Variants in NUDT22 observed in about 807,000 individuals in gnomAD.
NUDT22 encodes uridine diphosphate glucose pyrophosphatase NUDT22.
In NUDT22, 23 loss-of-function variants were observed where a neutral mutation model predicts 28.8. The ratio of observed to expected loss-of-function variants is 0.80; its 90% CI spans 0.58 to 1.13. The LOEUF (loss-of-function observed/expected upper bound fraction) is 1.13, where lower values mean the gene tolerates loss of function less well. Among genes scored for constraint, NUDT22 ranks in the 50% most tolerant of loss-of-function variants. The pLI is 0.00. For synonymous variants in NUDT22, 175 were observed against 173.7 expected, an observed-to-expected ratio of 1.01 and a Z score of -0.06; for missense variants, 358 against 387.3, an observed-to-expected ratio of 0.92 and a Z score of 0.64.
At position 64,228,182 on chromosome 11, in the gene NUDT22, CT is replaced by C. The variant is rs1207902951; in HGVS notation, c.579+530del. On this transcript the variant is annotated intron_variant, in intron 3 of 5. Transcript: ENST00000279206. Reference sequence around the variant, plus strand: ...CACTGCACCAGGCCGGATTCTTCTTCTTTTTTTTTTTTTTCTTTTTGAGACA... The same window carrying C: ...CACTGCACCAGGCCGGATTCTTCTTCTTTTTTTTTTTTTCTTTTTGAGACA... Among the ~76,000 whole-genome samples the C allele has an allele frequency of 8.3e-3, 568 of 68,794 alleles. 2 individuals are homozygous for C. The highest frequency in any genetic ancestry group is 0.025 in the East Asian group (60 of 2,378). 45.1% of individuals were successfully genotyped at this position (68,794 alleles called of 152,430 possible). A position where few individuals can be genotyped will look rare whatever the true frequency, so the allele number is the denominator to read the frequency against.
chr11:64,226,931 C>A lies in NUDT22; in HGVS notation c.279C>A (p.Thr93=). 6.2e-7 allele frequency: 1 copy of A among 1,602,316 alleles called. No individual in the cohort carries two copies. Among genetic ancestry groups the A allele is most frequent in the Non-Finnish European group, 8.5e-7 (1 of 1,179,924 alleles). The change falls in exon 2 of 6, where the codon ACC becomes ACA. Residue 93 remains threonine (T), a synonymous_variant. Coordinates refer to ENST00000279206, the MANE Select transcript of NUDT22 (RefSeq NM_032344.4). ...CTTCCTACCGAGACTTCCTGGGCAC[C>A]AACTGGTCCAGCTCAGCTGCCTGGC... ...GLTSYRDFLG[T]NWSSSAAWLR...
Position 64,227,151 on chromosome 11 carries a change from C to A in NUDT22, c.480+19C>A, listed in dbSNP as rs368859751. The A allele has an allele frequency of 8.3e-6, 13 of 1,571,920 alleles. No individual in the cohort carries two copies. The highest frequency in any genetic ancestry group is 9.4e-6 in the Non-Finnish European group (11 of 1,164,920). Reference sequence around the variant, plus strand: ...GCCTCAGGTGAGATTCCAGGCTGGGCACAAAGACCCAGACAGCTCAAGGGA... The same window carrying A: ...GCCTCAGGTGAGATTCCAGGCTGGGAACAAAGACCCAGACAGCTCAAGGGA... On this transcript the variant is annotated intron_variant, in intron 2 of 5. Transcript: ENST00000279206.
intron 2 of NUDT22, 138 bp downstream of exon 2, chr11:64,227,270 G>A: frequency 9.0e-7 from 1 of 1,111,094 alleles, no homozygotes; most frequent in Non-Finnish European, 1.3e-6. Context: ...AGTTTGCTCA[G>A]GGCAGTCCAC....
At chr11:64,228,196 T>C (rs188116780) in intron 3 of NUDT22, among the ~76,000 whole-genome samples, 2,840 of 150,160 alleles carry the variant, frequency 0.019, 39 homozygotes, top group Non-Finnish European at 0.03. Context: ...TTTTTTTTTT[T>C]CTTTTTGAGA....
Position 64,229,853 on chromosome 11 carries a change from G to A in NUDT22, c.775G>A (p.Val259Met). Residue 259 changes from valine (V) to methionine (M), a missense_variant, in exon 6 of 6, where the codon GTG becomes ATG. By Grantham distance (21) the Val-to-Met change is conservative. Coordinates refer to ENST00000279206, the MANE Select transcript of NUDT22 (RefSeq NM_032344.4). ...TGIFFVETQN[V>M]QRLLETEMWA... ...GGGTCTCGTTGTCTCCCCACAGAAC[G>A]TGCAGAGATTGCTCGAGACGGAGAT... 1 of 1,613,338 alleles carries A rather than the reference G, an allele frequency of 6.2e-7. No individual in the cohort carries two copies. The highest frequency in any genetic ancestry group is 8.5e-7 in the Non-Finnish European group (1 of 1,179,988).
chr11:64,229,766 T>G, intron 5 of NUDT22, 84 bp from the exon 6 acceptor site: 1 of 1,562,334 alleles, frequency 6.4e-7, no homozygotes. Flanking sequence ...AGTGCAGAGG[T>G]CTCTGAGGCT....
At position 64,226,891 on chromosome 11, in the gene NUDT22, T is replaced by C; in HGVS notation, c.239T>C (p.Leu80Pro). 1.9e-6 allele frequency: 3 copies of C among 1,604,074 alleles called. No individual in the cohort carries two copies. The highest frequency in any genetic ancestry group is 8.5e-7 in the Non-Finnish European group (1 of 1,179,912). ...GGCTCTCGGGGGCCACAGCTGCTCC[T>C]GCGCCTGGGCCTTACTTCCTACCGA... Reference protein sequence around the residue: ...PIGSRGPQLLLRLGLTSYRDF... With the variant: ...PIGSRGPQLLPRLGLTSYRDF... The change falls in exon 2 of 6, where the codon CTG becomes CCG. Residue 80 changes from leucine to proline, a missense_variant. Physicochemically the swap from Leu to Pro is moderately conservative, Grantham distance 98. Coordinates refer to ENST00000279206, the MANE Select transcript of NUDT22 (RefSeq NM_032344.4).
chr11:64,226,718 G>T lies in NUDT22; in HGVS notation c.66G>T (p.Gln22His). The T allele has an allele frequency of 6.2e-7, 1 of 1,610,556 alleles. No individual in the cohort carries two copies. The change falls in exon 2 of 6, where the codon CAG becomes CAT. Residue 22 changes from glutamine to histidine, a missense_variant. Physicochemically the swap from Gln to His is conservative, Grantham distance 24 (BLOSUM62 0). Transcript: ENST00000279206. ...GGGGCCTGCCCCAGGAGCAGATACAGGCCGAGCTGAGCCCCGCCCATGACC... is the reference window on the plus strand; with the variant it reads ...GGGGCCTGCCCCAGGAGCAGATACATGCCGAGCTGAGCCCCGCCCATGACC... ...PGGGLPQEQI[Q>H]AELSPAHDRR...
intron 5 of NUDT22, 139 bp from the exon 6 acceptor site, chr11:64,229,711 A>T: frequency 7.4e-7 from 1 of 1,356,916 alleles, no homozygotes; most frequent in Non-Finnish European, 1.0e-6. Flanking sequence ...TGCAAGGGAA[A>T]GGTCCAGGGA....
In NUDT22 at chr11:64,227,030, A is replaced by G; in HGVS notation, c.378A>G (p.Ala126=). The change falls in exon 2 of 6, where the codon GCA becomes GCG. Residue 126 remains alanine, a synonymous_variant. Coordinates refer to ENST00000279206, the MANE Select transcript of NUDT22 (RefSeq NM_032344.4). ...CGGACCCACTGGGGGTGGGCGCTGC[A>G]CTAGCCACAGCCGATGACTTCCTTG... ...YLADPLGVGA[A]LATADDFLVF... is the part of the protein sequence containing the mutation. The G allele has an allele frequency of 1.2e-6, 2 of 1,601,620 alleles. No individual in the cohort carries two copies. The highest frequency in any genetic ancestry group is 1.7e-6 in the Non-Finnish European group (2 of 1,179,106).
rs1267993709 is a variant in NUDT22 at position 64,227,671 on chromosome 11, G to A, written c.579+5G>A. 1 of 1,611,070 alleles carries A rather than the reference G, an allele frequency of 6.2e-7. No homozygotes were observed. Among genetic ancestry groups the A allele is most frequent in the Non-Finnish European group, 8.5e-7 (1 of 1,177,246 alleles). ...CTTCAGGAGATCTGTGATGAGGTGA[G>A]TGAGGTTGACCTGGACAGGGTGGTA... On this transcript the variant is annotated splice_donor_5th_base_variant and intron_variant, in intron 3 of 5. Coordinates refer to ENST00000279206, the MANE Select transcript of NUDT22 (RefSeq NM_032344.4).
intron 3 of NUDT22, 155 bp downstream of exon 3, chr11:64,227,821 A>T (rs1947082534): frequency 3.2e-6 from 2 of 625,536 alleles, no homozygotes; most frequent in Non-Finnish European, 5.8e-6. Context: ...TTGGAGTGGA[A>T]TTCTAGCCCT....
rs1470912018 is a variant in NUDT22 at position 64,229,252 on chromosome 11, CCTGCCG to C, written c.590_595del (p.Pro197_Leu198del). 1 of 1,573,992 alleles carries C rather than the reference CCTGCCG, an allele frequency of 6.4e-7. No individual in the cohort carries two copies. Among genetic ancestry groups the C allele is most frequent in the Non-Finnish European group, 8.6e-7 (1 of 1,159,154 alleles). On this transcript the variant is annotated inframe_deletion, in exon 4 of 6. Coordinates refer to ENST00000279206, the MANE Select transcript of NUDT22 (RefSeq NM_032344.4). ...CACCCCACCCTCCACCGCAGGTGAA[CCTGCCG>C]CTGCTCACCCTGAGCCAGCCCCTGC...
At chr11:64,226,537 G>A (rs1161124342) in intron 1 of NUDT22, 98 bp from the exon 2 acceptor site, 4 of 1,492,644 alleles carry the variant, frequency 2.7e-6, no homozygotes, top group Non-Finnish European at 2.7e-6. Flanking sequence ...AAGCGCTGCG[G>A]ATACCCTCAG....
At position 64,227,245 on chromosome 11, in the gene NUDT22, T is replaced by C. The variant is rs191056396; in HGVS notation, c.480+113T>C. The C allele has an allele frequency of 2.1e-5, 29 of 1,350,084 alleles. No homozygotes were observed. The East Asian group carries it at 6.5e-4, about 30-fold the overall frequency. 83.6% of individuals were successfully genotyped at this position (1,350,084 alleles called of 1,614,324 possible). ...TCATTCCTTAAAGGGAAAATTGGCC[T>C]GGTATTTCTCTGGAAGTTTGCTCAG... On this transcript the variant is annotated intron_variant, in intron 2 of 5. Transcript: ENST00000279206.
At position 64,226,714 on chromosome 11, in the gene NUDT22, T is replaced by A. The variant is rs150112369; in HGVS notation, c.62T>A (p.Ile21Lys). ...CPGGGLPQEQ[I>K]QAELSPAHDR... ...GGCGGGGGCCTGCCCCAGGAGCAGA[T>A]ACAGGCCGAGCTGAGCCCCGCCCAT... Residue 21 changes from isoleucine to lysine, a missense_variant, in exon 2 of 6, where the codon ATA becomes AAA. By Grantham distance (102) the Ile-to-Lys change is moderately radical (BLOSUM62 -3). Transcript: ENST00000279206. 5 of 1,610,534 alleles carry A rather than the reference T, an allele frequency of 3.1e-6. No individual in the cohort carries two copies. The Admixed American group carries it at 5.0e-5, about 16-fold the overall frequency.
In NUDT22 at chr11:64,226,721, C is replaced by T; in HGVS notation, c.69C>T (p.Ala23=). ...GCCTGCCCCAGGAGCAGATACAGGC[C>T]GAGCTGAGCCCCGCCCATGACCGTC... is the stretch of plus-strand genomic sequence containing the variant. ...GGGLPQEQIQ[A]ELSPAHDRRP... Residue 23 remains alanine, a synonymous_variant, in exon 2 of 6, where the codon GCC becomes GCT. Coordinates refer to ENST00000279206, the MANE Select transcript of NUDT22 (RefSeq NM_032344.4). 1.2e-6 allele frequency: 2 copies of T among 1,610,454 alleles called. No individual in the cohort carries two copies. The highest frequency in any genetic ancestry group is 1.7e-6 in the Non-Finnish European group (2 of 1,179,818).
intron 1 of NUDT22, 60 bp from the exon 2 acceptor site, chr11:64,226,575 C>G (rs1947026471): frequency 9.3e-6 from 14 of 1,506,116 alleles, no homozygotes; most frequent in Non-Finnish European, 1.1e-5. Context: ...GGGCTAGCTG[C>G]GCAGCCCAGG....
Position 64,229,077 on chromosome 11 carries a change from C to T in NUDT22, c.580-170C>T, listed in dbSNP as rs1947124246. The T allele has an allele frequency of 7.0e-6, 4 of 573,950 alleles. No individual in the cohort carries two copies. In the Admixed American group the frequency reaches 9.7e-5, roughly 14 times the overall value. The allele number at this position is 573,950 out of a possible 1,614,324, so 35.6% of individuals were successfully genotyped here. ...GTTCAATCTCTCTGGTTTTGGTGTA[C>T]CTGTAAAACAAACATGCCCATCATC... On this transcript the variant is annotated intron_variant, in intron 3 of 5. Coordinates refer to ENST00000279206, the MANE Select transcript of NUDT22 (RefSeq NM_032344.4).
Sources: gnomAD v4.1 joint callset for allele counts (sites outside exome capture counted in the v4.1 genomes callset) on GRCh38, gnomAD v4.1.1 for gene constraint, MANE v1.5 for transcripts, NCBI Gene and HGNC (gene_info 2026-07-23, HGNC 2026-07-21) for gene names.